The following HMCN1 variants were observed in gnomAD, a reference collection of about 807,000 sequenced individuals.
HMCN1 encodes the protein hemicentin-1.
In HMCN1, 321 loss-of-function variants were observed where a neutral mutation model predicts 625.9. That is an observed-to-expected ratio of 0.51 (90% CI 0.47 to 0.56). The LOEUF (loss-of-function observed/expected upper bound fraction) is 0.56, where lower values mean the gene tolerates loss of function less well. HMCN1 is among the 20% of genes least tolerant of loss of function. The probability of loss-of-function intolerance (pLI) is 0.00; values close to 1 mark genes in which losing one functional copy is unlikely to be tolerated. For missense variants in HMCN1, 6,588 were observed against 6,887.3 expected, an observed-to-expected ratio of 0.96 and a Z score of 1.54; for synonymous variants, 2,425 against 2,417.6, an observed-to-expected ratio of 1.00 and a Z score of -0.09.
intron 22 of HMCN1, among the ~76,000 whole-genome samples, chr1:185,990,961 A>G (rs1487097736): frequency 6.6e-6 from 1 of 152,234 alleles, no homozygotes; most frequent in African/African-American, 2.4e-5. Context: ...CCAACCAGCT[A>G]TAAGTTTAAA....
At chr1:185,915,985 C>T (rs1050688912) in intron 6 of HMCN1, among the ~76,000 whole-genome samples, 1 of 151,862 alleles carries the variant, frequency 6.6e-6, no homozygotes, top group East Asian at 1.9e-4. Flanking sequence ...AAATAGAATG[C>T]TTCCTTTATA....
intron 1 of HMCN1, among the ~76,000 whole-genome samples, chr1:185,799,630 G>A (rs1432431934): frequency 6.6e-6 from 1 of 152,140 alleles, no homozygotes; most frequent in Non-Finnish European, 1.5e-5. Context: ...GTAGGTCAGT[G>A]AGCTCAGGGC....
rs1487857437 is a variant in HMCN1 at position 185,990,393 on chromosome 1, C to T, written c.3327C>T (p.Pro1109=). 2 of 1,614,060 alleles carry T rather than the reference C, an allele frequency of 1.2e-6. No homozygotes were observed. Among genetic ancestry groups the T allele is most frequent in the East Asian group, 2.2e-5 (1 of 44,868 alleles). The stretch of plus-strand genomic sequence containing the variant: ...GTGAAGTGAAGAGCTTACCTCCACC[C>T]ATAATTACTTGGGCCAAAGAAACCC... ...LPCEVKSLPP[P]IITWAKETQL... Residue 1109 remains proline, a synonymous_variant, in exon 22 of 107, where the codon CCC becomes CCT. Coordinates refer to ENST00000271588, the MANE Select transcript of HMCN1 (RefSeq NM_031935.3).
At chr1:185,964,086 A>T (rs1250352197) in intron 13 of HMCN1, among the ~76,000 whole-genome samples, 191 bp downstream of exon 13, 1 of 152,190 alleles carries the variant, frequency 6.6e-6, no homozygotes, top group African/African-American at 2.4e-5. Flanking sequence ...GAAAAGCTTC[A>T]TTAGTCAACA....
intron 1 of HMCN1, among the ~76,000 whole-genome samples, chr1:185,740,452 C>G (rs1410193672): frequency 6.6e-6 from 1 of 152,026 alleles, no homozygotes; most frequent in East Asian, 1.9e-4. Flanking sequence ...ATAAAGAAGA[C>G]AAGACAGGTT....
In HMCN1 at chr1:185,942,584, A is replaced by G. The variant is rs1668139641; in HGVS notation, c.1828+8760A>G. Among the ~76,000 whole-genome samples, 2 of 152,236 alleles carry G rather than the reference A, an allele frequency of 1.3e-5. 1 individual carries two copies. Among genetic ancestry groups the G allele is most frequent in the South Asian group, 4.1e-4 (2 of 4,832 alleles). On this transcript the variant is annotated intron_variant, in intron 11 of 106. Transcript: ENST00000271588. ...ATACTTAACTTCATCTAATTCTCAC[A>G]GACGGCTGTTATTTACTATGGTCAA...
At chr1:185,957,687 T>A (rs904837723) in intron 11 of HMCN1, among the ~76,000 whole-genome samples, 1 of 152,190 alleles carries the variant, frequency 6.6e-6, no homozygotes, top group Non-Finnish European at 1.5e-5. Context: ...TTCTCCTTGA[T>A]GTTTTTCTGT....
At chr1:186,059,619 A>G (rs1054214310) in intron 46 of HMCN1, among the ~76,000 whole-genome samples, 7 of 152,092 alleles carry the variant, frequency 4.6e-5, no homozygotes, top group East Asian at 1.9e-4. Flanking sequence ...ATCGAATGGC[A>G]TATGTCTTGC....
intron 20 of HMCN1, among the ~76,000 whole-genome samples, 156 bp from the exon 21 acceptor site, chr1:185,989,328 CATAA>C (rs1388998609): frequency 3.5e-4 from 54 of 152,260 alleles, no homozygotes; most frequent in African/African-American, 1.3e-3. Context: ...TAATTTTTCT[CATAA>C]ATAACTTTTT....
intron 36 of HMCN1, among the ~76,000 whole-genome samples, chr1:186,029,279 A>G (rs988229635): frequency 2.6e-5 from 4 of 152,112 alleles, no homozygotes; most frequent in Non-Finnish European, 4.4e-5. Context: ...ATCAAATCAG[A>G]CTATCTGATT....
chr1:186,082,959 A>T lies in HMCN1; in HGVS notation c.8882A>T (p.His2961Leu). 6.3e-7 allele frequency: 1 copy of T among 1,575,972 alleles called. No individual in the cohort carries two copies. Among genetic ancestry groups the T allele is most frequent in the Non-Finnish European group, 8.7e-7 (1 of 1,153,704 alleles). ...AAAAAATATTTTAACCTCAATGTTC[A>T]TGGTAAGAGCTCAGTTCCAAAACCA... Reference protein sequence around the residue: ...SAKKYFNLNVHVPPSVIGPKS... With the variant: ...SAKKYFNLNVLVPPSVIGPKS... Residue 2961 changes from histidine to leucine, a missense_variant and splice_region_variant, in exon 57 of 107, where the codon CAT (histidine) becomes CTT (leucine). By Grantham distance (99) the His-to-Leu change is moderately conservative (BLOSUM62 -3). Coordinates refer to ENST00000271588, the MANE Select transcript of HMCN1 (RefSeq NM_031935.3).
intron 1 of HMCN1, among the ~76,000 whole-genome samples, chr1:185,778,318 G>T (rs928911077): frequency 2.2e-4 from 33 of 151,520 alleles, no homozygotes; most frequent in Admixed American, 2.2e-3. Flanking sequence ...CCATTCCCTC[G>T]GAAAATTGTG....
intron 11 of HMCN1, among the ~76,000 whole-genome samples, chr1:185,961,515 C>T (rs994233102): frequency 2.0e-5 from 3 of 152,132 alleles, no homozygotes; most frequent in African/African-American, 7.2e-5. Context: ...CTCATGAAAG[C>T]TGTCTGTTTC....
At chr1:186,027,148 C>A (rs1655110943) in intron 36 of HMCN1, among the ~76,000 whole-genome samples, 1 of 152,178 alleles carries the variant, frequency 6.6e-6, no homozygotes, top group Non-Finnish European at 1.5e-5. Context: ...GGTGCCTGGT[C>A]TCCTGGACTA....
In HMCN1 at chr1:185,846,009, T is replaced by A; in HGVS notation, c.269-17T>A. 1 of 1,555,744 alleles carries A rather than the reference T, an allele frequency of 6.4e-7. No individual in the cohort carries two copies. Among genetic ancestry groups the A allele is most frequent in the Non-Finnish European group, 8.9e-7 (1 of 1,127,276 alleles). ...TTGATTACTGTTTATTGACCTATGT[T>A]ATTTTTATCTTCACAGAAATTGGCC... On this transcript the variant is annotated splice_polypyrimidine_tract_variant and intron_variant, in intron 1 of 106. Coordinates refer to ENST00000271588, the MANE Select transcript of HMCN1 (RefSeq NM_031935.3).
intron 71 of HMCN1, among the ~76,000 whole-genome samples, chr1:186,112,044 C>T (rs1432646712): frequency 6.6e-6 from 1 of 152,060 alleles, no homozygotes; most frequent in Non-Finnish European, 1.5e-5. Flanking sequence ...ATATTTTATC[C>T]TTAAATTACT....
At chr1:185,953,277 A>C (rs938829760) in intron 11 of HMCN1, among the ~76,000 whole-genome samples, 1 of 151,584 alleles carries the variant, frequency 6.6e-6, no homozygotes, top group Admixed American at 6.6e-5. Context: ...GGGGTACTTG[A>C]CCCTTCCCCA....
intron 68 of HMCN1, among the ~76,000 whole-genome samples, chr1:186,100,217 T>C (rs1309609609): frequency 1.3e-5 from 2 of 152,116 alleles, no homozygotes; most frequent in Non-Finnish European, 2.9e-5. Flanking sequence ...TTTATAAGAA[T>C]AATAATTTCT....
rs1188045464 is a variant in HMCN1, at chr1:186,186,994, T to TCTCACACACACA, written c.16415-888_16415-887insTCACACACACAC. Among the ~76,000 whole-genome samples, 4 of 134,592 alleles carry TCTCACACACACA rather than the reference T, an allele frequency of 3.0e-5. No individual in the cohort carries two copies. In the East Asian group the frequency reaches 7.0e-4, roughly 24 times the overall value. 88.3% of individuals were successfully genotyped at this position (134,592 alleles called of 152,430 possible). A position where few individuals can be genotyped will look rare whatever the true frequency, so the allele number is the denominator to read the frequency against. On this transcript the variant is annotated intron_variant, in intron 105 of 106. Coordinates refer to ENST00000271588, the MANE Select transcript of HMCN1 (RefSeq NM_031935.3). ...CAATCTCACATTCTCTGTCTCTGTC[T>TCTCACACACACA]CACACACACACACACACACACACAC...
Sources: allele counts gnomAD v4.1 joint callset (sites outside exome capture counted in the v4.1 genomes callset), GRCh38; gene constraint gnomAD v4.1.1; transcripts MANE v1.5; gene names NCBI Gene and HGNC (gene_info 2026-07-23, HGNC 2026-07-21).